CDK17: variants seen among roughly 807,000 people sequenced by gnomAD.
The protein encoded by CDK17 is cyclin-dependent kinase 17.
Under a neutral mutation model 77.6 loss-of-function variants are expected in CDK17, and 24 were observed. The ratio of observed to expected loss-of-function variants is 0.31; its 90% confidence interval spans 0.22 to 0.44. The LOEUF is 0.44. Ranked by LOEUF, CDK17 falls within the 20% of genes least tolerant of loss-of-function variation. The probability of loss-of-function intolerance (pLI) is 1.00; values close to 1 mark genes in which losing one functional copy is unlikely to be tolerated. For synonymous variants in CDK17, 203 were observed against 210.4 expected (o/e 0.96, Z 0.30); for missense variants, 429 against 622.5 (o/e 0.69, Z 3.31).
intron 11 of CDK17, among the ~76,000 whole-genome samples, chr12:96,288,487 C>T (rs1212101991): frequency 5.3e-5 from 8 of 152,072 alleles, no homozygotes; most frequent in Admixed American, 5.2e-4. Context: ...TAGGAAAGTC[C>T]ACATTATTCC....
At chr12:96,284,327 G>A (rs1952218003) in intron 13 of CDK17, 1 of 152,188 alleles carries the variant, frequency 6.6e-6, no homozygotes, top group African/African-American at 2.4e-5. Context: ...CAGGCGCAGG[G>A]GCAGGCGCCT....
At chr12:96,380,663 T>C (rs1248787979) in intron 1 of CDK17, among the ~76,000 whole-genome samples, 1 of 152,146 alleles carries the variant, frequency 6.6e-6, no homozygotes, top group Non-Finnish European at 1.5e-5. Context: ...CAAAAGGTTG[T>C]CCATTTAACT....
chr12:96,358,893 A>G (rs1953450960), intron 1 of CDK17, among the ~76,000 whole-genome samples: 2 of 143,938 alleles, frequency 1.4e-5, no homozygotes, highest in African/African-American at 5.2e-5. Context: ...TAGAGTCAAA[A>G]GAGTGAATTT....
intron 6 of CDK17, among the ~76,000 whole-genome samples, chr12:96,299,515 C>T (rs748777259): frequency 1.3e-5 from 2 of 151,636 alleles, no homozygotes; most frequent in Non-Finnish European, 2.9e-5. Flanking sequence ...CTCAGCCTCC[C>T]GAGTAGCTGG....
Position 96,372,851 on chromosome 12 carries a change from G to C in CDK17, c.-30+27135C>G, listed in dbSNP as rs186115358. 2.7e-3 allele frequency among the ~76,000 whole-genome samples: 407 copies of C among 152,204 alleles called. 4 individuals carry two copies. The highest frequency in any genetic ancestry group is 2.6e-3 in the Non-Finnish European group (177 of 68,006). On this transcript the variant is annotated intron_variant, in intron 1 of 16. Transcript: ENST00000261211. ...AAAAATGTTGAAAGATTTCCTATGA[G>C]GATATAGAAAAGCATTTTAAAACAG...
intron 9 of CDK17, 142 bp from the exon 10 acceptor site, chr12:96,295,264 C>T (rs1456527390): frequency 1.7e-5 from 9 of 533,352 alleles, no homozygotes; most frequent in East Asian, 9.2e-5. Flanking sequence ...AGTACAATGT[C>T]TTTTTCCTTT....
rs954689472 is a variant in CDK17 at position 96,282,703 on chromosome 12, T to C, written c.1366-104A>G. On this transcript the variant is annotated intron_variant, in intron 14 of 16. Coordinates refer to ENST00000261211, the MANE Select transcript of CDK17 (RefSeq NM_002595.5). ...TAGAGCTACTTAAAAAAAATCTTGA[T>C]TATTTAATATGATGACTATTTTTCA... is the stretch of plus-strand genomic sequence containing the variant. The C allele has an allele frequency of 3.1e-5, 21 of 682,302 alleles. No homozygotes were observed. In the South Asian group the frequency reaches 3.6e-4, roughly 12 times the overall value. 42.3% of individuals were successfully genotyped at this position (682,302 alleles called of 1,614,324 possible). A position where few individuals can be genotyped will look rare whatever the true frequency, so the allele number is the denominator to read the frequency against.
intron 5 of CDK17, chr12:96,303,062 T>C (rs535379352): frequency 6.6e-6 from 1 of 152,334 alleles, no homozygotes; most frequent in East Asian, 1.9e-4. Flanking sequence ...ATAAAATTTT[T>C]AGAAAATTTT....
At chr12:96,324,899 T>TA (rs776936686) in intron 2 of CDK17, among the ~76,000 whole-genome samples, 29 of 152,150 alleles carry the variant, frequency 1.9e-4, no homozygotes, top group Non-Finnish European at 2.8e-4. Context: ...CCGAAGTACC[T>TA]AAATACATAT....
intron 3 of CDK17, among the ~76,000 whole-genome samples, chr12:96,323,192 G>A (rs1565819846): frequency 6.6e-6 from 1 of 151,898 alleles, no homozygotes; most frequent in Non-Finnish European, 1.5e-5. Flanking sequence ...CAGCCCTCTG[G>A]GAGGCTGAGG....
At chr12:96,304,762 T>C (rs1242096338) in intron 5 of CDK17, among the ~76,000 whole-genome samples, 1 of 152,234 alleles carries the variant, frequency 6.6e-6, no homozygotes, top group Non-Finnish European at 1.5e-5. Context: ...TGTACTCCTG[T>C]ACATAATATG....
chr12:96,385,225 T>C (rs141845815), intron 1 of CDK17, among the ~76,000 whole-genome samples: 1 of 126,644 alleles, frequency 7.9e-6, no homozygotes, highest in Non-Finnish European at 1.6e-5. Flanking sequence ...GGCAGGAGAG[T>C]TGCTTGAACC....
At position 96,376,480 on chromosome 12, in the gene CDK17, T is replaced by C. The variant is rs146152035; in HGVS notation, c.-30+23506A>G. ...CCCCTACAAATGCTTATAAGCAATA[T>C]ACTCAACAGATAATTTTTGGTGGTA... is the stretch of plus-strand genomic sequence containing the variant. On this transcript the variant is annotated intron_variant, in intron 1 of 16. Coordinates refer to ENST00000261211, the MANE Select transcript of CDK17 (RefSeq NM_002595.5). Among the ~76,000 whole-genome samples, 22 of 152,352 alleles carry C rather than the reference T, an allele frequency of 1.4e-4. No individual in the cohort carries two copies. The East Asian group carries it at 4.2e-3, about 29-fold the overall frequency.
intron 1 of CDK17, among the ~76,000 whole-genome samples, chr12:96,384,083 T>C (rs1023288864): frequency 3.3e-5 from 5 of 150,874 alleles, no homozygotes; most frequent in Admixed American, 1.3e-4. Flanking sequence ...CATTAAGAAG[T>C]AGACAAAGGA....
intron 5 of CDK17, among the ~76,000 whole-genome samples, chr12:96,301,699 T>C (rs190304816): frequency 3.5e-4 from 53 of 152,264 alleles, no homozygotes; most frequent in African/African-American, 1.3e-3. Flanking sequence ...GGTGTATAAA[T>C]TATGCCAGAT....
At chr12:96,307,743 T>A (rs778032006) in intron 5 of CDK17, among the ~76,000 whole-genome samples, 43 of 152,046 alleles carry the variant, frequency 2.8e-4, no homozygotes, top group Non-Finnish European at 5.4e-4. Flanking sequence ...TGGTGGCACA[T>A]GCCTGTAATC....
At chr12:96,371,994 T>A (rs1335906877) in intron 1 of CDK17, among the ~76,000 whole-genome samples, 1 of 63,398 alleles carries the variant, frequency 1.6e-5, no homozygotes, top group African/African-American at 6.4e-5. Flanking sequence ...AGAGACAGTG[T>A]GTGAGTGAGT....
chr12:96,379,586 T>C (rs888205253), intron 1 of CDK17, among the ~76,000 whole-genome samples: 3 of 152,014 alleles, frequency 2.0e-5, no homozygotes, highest in Admixed American at 6.6e-5. Flanking sequence ...TTACTATGCC[T>C]GGCTAATTTC....
At chr12:96,318,383 A>T (rs1319279553) in intron 3 of CDK17, among the ~76,000 whole-genome samples, 1 of 133,906 alleles carries the variant, frequency 7.5e-6, no homozygotes, top group Admixed American at 7.6e-5. Context: ...AACATTAGAC[A>T]GATCAACGAG....
Sources: allele counts gnomAD v4.1 joint callset (sites outside exome capture counted in the v4.1 genomes callset), GRCh38; gene constraint gnomAD v4.1.1; transcripts MANE v1.5; gene names NCBI Gene and HGNC (gene_info 2026-07-23, HGNC 2026-07-21).